Variants in RECQL4 observed in about 807,000 individuals in gnomAD.
The protein encoded by RECQL4 is RecQ like helicase 4, also known as ATP-dependent DNA helicase Q4.
In RECQL4, 158 loss-of-function variants were observed where a neutral mutation model predicts 128.6. The ratio of observed to expected loss-of-function variants is 1.23; its 90% CI spans 1.08 to 1.40. RECQL4 has a LOEUF of 1.40. Ranked by LOEUF, RECQL4 falls within the 40% of genes most tolerant of loss-of-function variation. RECQL4 has a pLI of 0.00. For missense variants in RECQL4, 2,293 were observed against 1,649.8 expected, an observed-to-expected ratio of 1.39 and a Z score of -6.75; for synonymous variants, 996 against 678.9, an observed-to-expected ratio of 1.47 and a Z score of -7.26.
Position 144,514,461 on chromosome 8 carries a change from C to T in RECQL4, c.1685G>A (p.Arg562Gln), listed in dbSNP as rs375562152. The change falls in exon 10 of 21, where the codon CGG becomes CAG. Residue 562 changes from arginine (R) to glutamine (Q), a missense_variant. Physicochemically the swap from Arg to Gln is conservative, Grantham distance 43 (BLOSUM62 1). Transcript: ENST00000617875. ...CIHSGMTRKQ[R>Q]ESVLQKIRAA... Reference sequence around the variant, plus strand: ...CCCCACCTTCTGCAGGACAGATTCCCGTTGCTTCCTGGTCATGCCCGAGTG... The same window carrying T: ...CCCCACCTTCTGCAGGACAGATTCCTGTTGCTTCCTGGTCATGCCCGAGTG... The T allele has an allele frequency of 4.3e-5, 69 of 1,612,130 alleles. No homozygotes were observed. The African/African-American group carries it at 5.6e-4, about 13-fold the overall frequency.
Position 144,516,142 on chromosome 8 carries a change from C to T in RECQL4, c.977G>A (p.Ser326Asn), listed in dbSNP as rs1586822184. Residue 326 changes from serine to asparagine, a missense_variant, in exon 5 of 21, where the codon AGT becomes AAT. Physicochemically the swap from Ser to Asn is conservative, Grantham distance 46. Transcript: ENST00000617875. ...NPRYHGLSPSSQARAGKAEGT... is the reference protein window; with the variant it reads ...NPRYHGLSPSNQARAGKAEGT... The stretch of plus-strand genomic sequence containing the variant: ...CTCAGCCTTCCCAGCCCTAGCTTGA[C>T]TGGAGGGGCTGAGTCCGTGGTACCT... 2 of 1,613,250 alleles carry T rather than the reference C, an allele frequency of 1.2e-6. No individual in the cohort carries two copies. Among genetic ancestry groups the T allele is most frequent in the Admixed American group, 1.7e-5 (1 of 60,026 alleles).
intron 20 of RECQL4, 43 bp downstream of exon 20, chr8:144,511,638 C>CT (rs1294130010): frequency 1.9e-6 from 3 of 1,608,178 alleles, no homozygotes; most frequent in Middle Eastern, 1.7e-4. Context: ...CTGCCCCAGC[C>CT]CCCAGCCCCA....
In RECQL4 at chr8:144,511,478, C is replaced by A. The variant is rs201809411; in HGVS notation, c.3580G>T (p.Ala1194Ser). ...TCTTCCGTGGCCAGGCCCACCAGGG[C>A]ATGGAAGCTCAGGTGCAGGTATTTT... Reference protein sequence around the residue: ...WRKYLHLSFHALVGLATEELL... With the variant: ...WRKYLHLSFHSLVGLATEELL... The change falls in exon 21 of 21, where the codon GCC becomes TCC. Residue 1194 changes from alanine (A) to serine (S), a missense_variant. Coordinates refer to ENST00000617875, the MANE Select transcript of RECQL4 (RefSeq NM_004260.4). 3.1e-6 allele frequency: 5 copies of A among 1,612,588 alleles called. No individual in the cohort carries two copies. The highest frequency in any genetic ancestry group is 4.2e-6 in the Non-Finnish European group (5 of 1,179,780).
In RECQL4 at chr8:144,514,064, G is replaced by T. The variant is rs867428284; in HGVS notation, c.1922C>A (p.Thr641Lys). Residue 641 changes from threonine to lysine, a missense_variant, in exon 12 of 21, where the codon ACA becomes AAA. Coordinates refer to ENST00000617875, the MANE Select transcript of RECQL4 (RefSeq NM_004260.4). ...GGCAGTGCGGCGTGTGGCTGTGGCT[G>T]TGAGGCCCAGGAAGCAGTGCACGCC... is the stretch of plus-strand genomic sequence containing the variant. ...RMGVHCFLGLTATATRRTASD... is the reference protein window; with the variant it reads ...RMGVHCFLGLKATATRRTASD... 6.9e-6 allele frequency: 11 copies of T among 1,588,880 alleles called. No homozygotes were observed. The highest frequency in any genetic ancestry group is 9.4e-6 in the Non-Finnish European group (11 of 1,168,936).
chr8:144,512,833 C>T lies in RECQL4; in HGVS notation c.2755+14G>A, dbSNP rs746952325. On this transcript the variant is annotated intron_variant, in intron 15 of 20. Coordinates refer to ENST00000617875, the MANE Select transcript of RECQL4 (RefSeq NM_004260.4). ...GCCCCTCCACACCCCTGTGGCTTAC[C>T]CCAGGTTCCTCACCCTCCTCCGGCA... 6.2e-7 allele frequency: 1 copy of T among 1,607,626 alleles called. No individual in the cohort carries two copies. Among genetic ancestry groups the T allele is most frequent in the Admixed American group, 1.7e-5 (1 of 59,230 alleles).
intron 4 of RECQL4, 38 bp downstream of exon 4, chr8:144,517,012 T>G: frequency 6.3e-7 from 1 of 1,586,530 alleles, no homozygotes; most frequent in East Asian, 2.3e-5. Flanking sequence ...GAAGCAGCTG[T>G]GGACCTAGCG....
rs750760763 is a variant in RECQL4, at chr8:144,516,615, C to T, written c.504G>A (p.Arg168=). Residue 168 remains arginine, a synonymous_variant, in exon 5 of 21, where the codon AGG becomes AGA. Transcript: ENST00000617875. ...CCTGCAGATGCTGGAGCCGGCCTGG[C>T]CTTGGCTGGGGCTCAGGGAGCTGTG... is the stretch of plus-strand genomic sequence containing the variant. ...EPPQLPEPQP[R]PGRLQHLQAS... is the part of the protein sequence containing the mutation. 2.9e-5 allele frequency: 47 copies of T among 1,610,648 alleles called. No homozygotes were observed. The highest frequency in any genetic ancestry group is 4.0e-5 in the African/African-American group (3 of 74,858).
At position 144,516,063 on chromosome 8, in the gene RECQL4, A is replaced by C; in HGVS notation, c.1056T>G (p.Asn352Lys). 2 of 1,612,700 alleles carry C rather than the reference A, an allele frequency of 1.2e-6. No homozygotes were observed. Among genetic ancestry groups the C allele is most frequent in the Non-Finnish European group, 1.7e-6 (2 of 1,179,844 alleles). The change falls in exon 5 of 21, where the codon AAT becomes AAG. Residue 352 changes from asparagine (N) to lysine (K), a missense_variant. Coordinates refer to ENST00000617875, the MANE Select transcript of RECQL4 (RefSeq NM_004260.4). ...TCTGCTTCATGTTGAGCCGTACGTA[A>C]TTGCCCCTGTCATGGCGGGCCAGCC... ...FPRLARHDRG[N>K]YVRLNMKQKH...
Position 144,517,482 on chromosome 8 carries a change from T to G in RECQL4, c.145A>C (p.Lys49Gln), listed in dbSNP as rs1046890336. 9 of 1,597,490 alleles carry G rather than the reference T, an allele frequency of 5.6e-6. No individual in the cohort carries two copies. In the Admixed American group the frequency reaches 1.0e-4, roughly 18 times the overall value. ...RALYREYRTL[K>Q]RTTGQAGGGL... ...CCGCCGGCCTGGCCCGTGGTACGCT[T>G]CAGAGTGCGGTATTCCCGGTAGAGC... Residue 49 changes from lysine (K) to glutamine (Q), a missense_variant, in exon 3 of 21, where the codon AAG becomes CAG. Lys to Gln is a moderately conservative substitution (Grantham distance 53, BLOSUM62 1). Coordinates refer to ENST00000617875, the MANE Select transcript of RECQL4 (RefSeq NM_004260.4).
In RECQL4 at chr8:144,513,041, G is replaced by C. The variant is rs1167531855; in HGVS notation, c.2561C>G (p.Thr854Ser). The change falls in exon 15 of 21, where the codon ACC (threonine) becomes AGC (serine). Residue 854 changes from threonine to serine, a missense_variant. Transcript: ENST00000617875. ...RLVQRVFPAC[T>S]CTCTRPPSEQ... ...CGAGGGCGGCCTGGTGCAGGTGCAG[G>C]TGCAGGCTGGGAACACGCGCTGTAC... The C allele has an allele frequency of 1.9e-6, 3 of 1,577,148 alleles. No homozygotes were observed. Among genetic ancestry groups the C allele is most frequent in the Non-Finnish European group, 2.6e-6 (3 of 1,162,642 alleles).
At position 144,512,938 on chromosome 8, in the gene RECQL4, T is replaced by C. The variant is rs779076624; in HGVS notation, c.2664A>G (p.Gln888=). 4 of 1,576,848 alleles carry C rather than the reference T, an allele frequency of 2.5e-6. No individual in the cohort carries two copies. Among genetic ancestry groups the C allele is most frequent in the Non-Finnish European group, 3.4e-6 (4 of 1,161,604 alleles). The stretch of plus-strand genomic sequence containing the variant: ...AGACCCTTCTGGGTCCTGGGGCTGC[T>C]TGGTGGCTAAGCTGCTCAGCCTCTT... The part of the protein sequence containing the change: ...PPQEAEQLSH[Q]AAPGPRRVCM... Residue 888 remains glutamine, a synonymous_variant, in exon 15 of 21, where the codon CAA becomes CAG. Transcript: ENST00000617875.
At position 144,516,735 on chromosome 8, in the gene RECQL4, C is replaced by T. The variant is rs1335967859; in HGVS notation, c.384G>A (p.Trp128Ter). Residue 128 changes from tryptophan (W) to a stop codon, truncating the protein, a stop_gained, in exon 5 of 21, where the codon TGG (tryptophan) becomes TGA (stop). Transcript: ENST00000617875. LOFTEE classifies it high-confidence loss of function. ...CCTTAGATGAGGCTCTTCCTAGAGG[C>T]CACGGTCTGCGGCCCAGGGCTGGTC... is the stretch of plus-strand genomic sequence containing the variant. The part of the protein sequence containing the change: ...QAGPALGRRP[W>*]PLGRASSKAS... 2.6e-6 allele frequency: 4 copies of T among 1,531,322 alleles called. No individual in the cohort carries two copies. Among genetic ancestry groups the T allele is most frequent in the East Asian group, 4.5e-5 (2 of 44,302 alleles). 94.9% of individuals were successfully genotyped at this position (1,531,322 alleles called of 1,614,324 possible). A position where few individuals can be genotyped will look rare whatever the true frequency, so the allele number is the denominator to read the frequency against.
intron 5 of RECQL4, 36 bp from the exon 6 acceptor site, chr8:144,515,926 G>C (rs762789734): frequency 6.2e-7 from 1 of 1,612,548 alleles, no homozygotes; most frequent in Non-Finnish European, 8.5e-7. Flanking sequence ...CACTGGGCGG[G>C]AAATACGGGA....
rs535562377 is a variant in RECQL4, at chr8:144,517,305, C to G, written c.213+109G>C. On this transcript the variant is annotated intron_variant, in intron 3 of 20. Transcript: ENST00000617875. Reference sequence around the variant, plus strand: ...CCGGCCCTTCTTCACTTTGCCCAGTCCCCCTCCCAAGTTCTGTGCCCCACG... The same window carrying G: ...CCGGCCCTTCTTCACTTTGCCCAGTGCCCCTCCCAAGTTCTGTGCCCCACG... The G allele has an allele frequency of 1.2e-4, 180 of 1,488,802 alleles. No homozygotes were observed. The African/African-American group carries it at 2.3e-3, about 19-fold the overall frequency. 92.2% of individuals were successfully genotyped at this position (1,488,802 alleles called of 1,614,324 possible). A position where few individuals can be genotyped will look rare whatever the true frequency, so the allele number is the denominator to read the frequency against.
chr8:144,515,300 C>T (rs1299654055), intron 7 of RECQL4, 26 bp downstream of exon 7: 1 of 1,611,582 alleles, frequency 6.2e-7, no homozygotes, highest in African/African-American at 1.3e-5. Context: ...TCAGTGAAGG[C>T]TCTGGGCCAG....
In RECQL4 at chr8:144,515,980, T is replaced by C. The variant is rs932213064; in HGVS notation, c.1131+8A>G. 4 of 1,609,704 alleles carry C rather than the reference T, an allele frequency of 2.5e-6. No individual in the cohort carries two copies. The highest frequency in any genetic ancestry group is 1.1e-5 in the South Asian group (1 of 91,048). ...GGGAATGCCTGTCCTGGCCCGTCGC[T>C]GTCTTACCTGCTTGCGGAGGAGCCT... On this transcript the variant is annotated splice_region_variant and intron_variant, in intron 5 of 20. Coordinates refer to ENST00000617875, the MANE Select transcript of RECQL4 (RefSeq NM_004260.4).
Position 144,515,895 on chromosome 8 carries a change from G to A in RECQL4, c.1132-5C>T, listed in dbSNP as rs756159792. Reference sequence around the variant, plus strand: ...CCGCCACTTCTGCTTCCATGCCTGGGGGGTGCCCACATAGGAGGGTCACTG... The same window carrying A: ...CCGCCACTTCTGCTTCCATGCCTGGAGGGTGCCCACATAGGAGGGTCACTG... On this transcript the variant is annotated splice_polypyrimidine_tract_variant and splice_region_variant and intron_variant, in intron 5 of 20. Coordinates refer to ENST00000617875, the MANE Select transcript of RECQL4 (RefSeq NM_004260.4). 6.2e-7 allele frequency: 1 copy of A among 1,612,878 alleles called. No individual in the cohort carries two copies. Among genetic ancestry groups the A allele is most frequent in the Non-Finnish European group, 8.5e-7 (1 of 1,179,808 alleles).
chr8:144,511,393 A>G lies in RECQL4; in HGVS notation c.*38T>C, dbSNP rs1213744297. On this transcript the variant is annotated 3_prime_UTR_variant, in exon 21 of 21. Coordinates refer to ENST00000617875, the MANE Select transcript of RECQL4 (RefSeq NM_004260.4). ...CTCAGTCACTGCCCTAGCCTCTGAC[A>G]ACCCCAGCTCTACCCGACATCCCCC... 4 of 1,601,740 alleles carry G rather than the reference A, an allele frequency of 2.5e-6. No individual in the cohort carries two copies. The highest frequency in any genetic ancestry group is 1.7e-5 in the Admixed American group (1 of 59,854).
chr8:144,512,619 C>T, intron 16 of RECQL4, 23 bp downstream of exon 16: 2 of 1,611,616 alleles, frequency 1.2e-6, no homozygotes, highest in South Asian at 2.2e-5. Flanking sequence ...AACCTCGTCT[C>T]CAACTGGGCA....
Sources: gnomAD v4.1 joint callset for allele counts on GRCh38, gnomAD v4.1.1 for gene constraint, MANE v1.5 for transcripts, NCBI Gene and HGNC (gene_info 2026-07-23, HGNC 2026-07-21) for gene names.